The following NRG1 variants were observed in gnomAD, a reference collection of about 807,000 sequenced individuals.
NRG1 encodes pro-neuregulin-1, membrane-bound isoform.
NRG1 carries 18 observed loss-of-function variants against 63.8 expected under a neutral mutation model. The ratio of observed to expected loss-of-function variants is 0.28; its 90% CI spans 0.19 to 0.42. The LOEUF is 0.42. NRG1 is among the 10% of genes least tolerant of loss of function. The pLI is 1.00. For missense variants in NRG1, 762 were observed against 814.7 expected (o/e 0.94, Z 0.79); for synonymous variants, 302 against 301.3 (o/e 1.00, Z -0.02).
intron 1 of NRG1, among the ~76,000 whole-genome samples, chr8:32,006,447 A>G (rs1813783493): frequency 6.6e-6 from 1 of 152,020 alleles, no homozygotes; most frequent in South Asian, 2.1e-4. Flanking sequence ...GTCTTATGTG[A>G]TATGACGTAG....
intron 7 of NRG1, among the ~76,000 whole-genome samples, chr8:32,745,687 TTC>T (rs1393086656): frequency 7.2e-6 from 1 of 138,946 alleles, no homozygotes; most frequent in Non-Finnish European, 1.5e-5. Flanking sequence ...TGTGTGTGTG[TTC>T]GTGTGTGTGT....
intron 1 of NRG1, 73 bp downstream of exon 1, chr8:32,548,899 C>T: frequency 3.4e-6 from 5 of 1,470,218 alleles, no homozygotes; most frequent in South Asian, 1.3e-5. Flanking sequence ...CCTCGGATGC[C>T]GTGGCCTCTC....
intron 1 of NRG1, among the ~76,000 whole-genome samples, chr8:31,650,774 T>A (rs1804760228): frequency 6.6e-6 from 1 of 152,088 alleles, no homozygotes; most frequent in Admixed American, 6.5e-5. Context: ...ACACTATTCT[T>A]GTGTTTGGAT....
intron 5 of NRG1, among the ~76,000 whole-genome samples, chr8:32,633,306 A>G (rs1850681835): frequency 1.3e-5 from 2 of 152,208 alleles, no homozygotes; most frequent in African/African-American, 4.8e-5. Flanking sequence ...ACGACAGCCT[A>G]GTCTGCTTTT....
At chr8:32,639,934 T>C (rs900653387) in intron 5 of NRG1, among the ~76,000 whole-genome samples, 1 of 152,200 alleles carries the variant, frequency 6.6e-6, no homozygotes, top group African/African-American at 2.4e-5. Context: ...TTAAACTACA[T>C]CCATTATCAT....
chr8:31,967,265 C>G (rs112890621), intron 1 of NRG1, among the ~76,000 whole-genome samples: 8 of 152,272 alleles, frequency 5.3e-5, no homozygotes, highest in African/African-American at 1.9e-4. Flanking sequence ...CCCCTCCCTC[C>G]TCCACGCCCT....
intron 1 of NRG1, among the ~76,000 whole-genome samples, chr8:32,062,036 A>G (rs1015967704): frequency 6.6e-6 from 1 of 152,128 alleles, no homozygotes; most frequent in Non-Finnish European, 1.5e-5. Flanking sequence ...AGCCAAGTGT[A>G]GAGCACAAAA....
chr8:31,751,739 A>G (rs1450150689), intron 1 of NRG1, among the ~76,000 whole-genome samples: 1 of 151,926 alleles, frequency 6.6e-6, no homozygotes, highest in Non-Finnish European at 1.5e-5. Flanking sequence ...GGAGAGAGAT[A>G]GAGAGTTTGG....
At chr8:32,375,217 A>G (rs1402891028) in intron 1 of NRG1, among the ~76,000 whole-genome samples, 1 of 151,954 alleles carries the variant, frequency 6.6e-6, no homozygotes, top group Non-Finnish European at 1.5e-5. Flanking sequence ...AGATCAAGCA[A>G]TCCCCCCACC....
At chr8:32,736,424 G>T (rs985638100) in intron 6 of NRG1, among the ~76,000 whole-genome samples, 4 of 152,232 alleles carry the variant, frequency 2.6e-5, no homozygotes, top group African/African-American at 9.6e-5. Context: ...GACCAGCATA[G>T]TTGGAGCTGG....
chr8:32,718,549 T>C (rs1205877683), intron 5 of NRG1, among the ~76,000 whole-genome samples: 1 of 152,172 alleles, frequency 6.6e-6, no homozygotes, highest in Non-Finnish European at 1.5e-5. Context: ...GGCCTACATA[T>C]TAAACATTAA....
intron 1 of NRG1, among the ~76,000 whole-genome samples, chr8:31,993,524 T>A (rs537967105): frequency 6.6e-6 from 1 of 152,080 alleles, no homozygotes; most frequent in South Asian, 2.1e-4. Context: ...GATTTGATGG[T>A]TTTATAAAAG....
At chr8:32,692,221 T>G (rs1342966778) in intron 5 of NRG1, among the ~76,000 whole-genome samples, 1 of 152,228 alleles carries the variant, frequency 6.6e-6, no homozygotes, top group Non-Finnish European at 1.5e-5. Context: ...TTAGCACAGT[T>G]GGCCTCTGGC....
At chr8:32,046,128 G>A (rs544460368) in intron 1 of NRG1, among the ~76,000 whole-genome samples, 2 of 99,274 alleles carry the variant, frequency 2.0e-5, no homozygotes, top group Admixed American at 1.0e-4. Context: ...TTAAAAGTGG[G>A]CAAAAGTCTT....
At chr8:31,654,347 G>A (rs2130901200) in intron 1 of NRG1, among the ~76,000 whole-genome samples, 1 of 152,334 alleles carries the variant, frequency 6.6e-6, no homozygotes. Context: ...GAATGGGTTT[G>A]AAGCCGTGTA....
At chr8:31,770,792 T>TAC (rs1256322607) in intron 1 of NRG1, among the ~76,000 whole-genome samples, 6 of 145,848 alleles carry the variant, frequency 4.1e-5, no homozygotes, top group African/African-American at 1.3e-4. Flanking sequence ...TATATATATA[T>TAC]ATATACATAT....
intron 1 of NRG1, among the ~76,000 whole-genome samples, chr8:31,859,001 G>A (rs973524996): frequency 1.3e-5 from 2 of 152,160 alleles, no homozygotes; most frequent in Non-Finnish European, 2.9e-5. Context: ...CTGAAGTATA[G>A]ATTTTTATGC....
chr8:31,857,298 G>A (rs150068372), intron 1 of NRG1, among the ~76,000 whole-genome samples: 2,654 of 152,348 alleles, frequency 0.017, 74 homozygotes, highest in African/African-American at 0.058. Flanking sequence ...AGCCAGGTGC[G>A]GGATATAATC....
At chr8:31,927,994 T>TAA (rs202107939) in intron 1 of NRG1, among the ~76,000 whole-genome samples, 3 of 44,648 alleles carry the variant, frequency 6.7e-5, no homozygotes, top group African/African-American at 1.6e-4. Flanking sequence ...TTAGGTATAT[T>TAA]TAAAAAAAAA....
Sources: gnomAD v4.1 joint callset for allele counts (sites outside exome capture counted in the v4.1 genomes callset) on GRCh38, gnomAD v4.1.1 for gene constraint, MANE v1.5 for transcripts, NCBI Gene and HGNC (gene_info 2026-07-23, HGNC 2026-07-21) for gene names.